Variants in MAP3K7 observed in about 807,000 individuals in gnomAD.
MAP3K7 encodes the protein mitogen-activated protein kinase kinase kinase 7.
Under a neutral mutation model 84.8 loss-of-function variants are expected in MAP3K7, and 21 were observed. The ratio of observed to expected loss-of-function variants is 0.25; its 90% CI spans 0.18 to 0.36. The LOEUF (loss-of-function observed/expected upper bound fraction) is 0.36, where lower values mean the gene tolerates loss of function less well. Ranked by LOEUF, MAP3K7 falls within the 10% of genes least tolerant of loss-of-function variation. MAP3K7 has a pLI of 1.00. For synonymous variants in MAP3K7, 241 were observed against 247.7 expected (o/e 0.97, Z 0.25); for missense variants, 503 against 747.7 (o/e 0.67, Z 3.82).
At chr6:90,525,692 C>T (rs941904276) in intron 13 of MAP3K7, among the ~76,000 whole-genome samples, 6 of 150,192 alleles carry the variant, frequency 4.0e-5, no homozygotes, top group East Asian at 2.0e-4. Context: ...CTCAGCCTCC[C>T]GAGTAACTGG....
intron 13 of MAP3K7, among the ~76,000 whole-genome samples, chr6:90,528,987 G>A (rs1028107272): frequency 6.6e-6 from 1 of 152,088 alleles, no homozygotes; most frequent in African/African-American, 2.4e-5. Context: ...CACCCTGTAA[G>A]GCCCAGCTCA....
At chr6:90,546,084 T>C (rs1418094456) in intron 11 of MAP3K7, among the ~76,000 whole-genome samples, 1 of 152,168 alleles carries the variant, frequency 6.6e-6, no homozygotes, top group Non-Finnish European at 1.5e-5. Flanking sequence ...CAGAGCCCAC[T>C]ACCTCCAGAC....
intron 9 of MAP3K7, among the ~76,000 whole-genome samples, chr6:90,548,498 C>A (rs986040746): frequency 1.3e-5 from 2 of 152,028 alleles, no homozygotes; most frequent in African/African-American, 4.8e-5. Flanking sequence ...AAGGAAGTAT[C>A]AGGAACTCAG....
intron 3 of MAP3K7, among the ~76,000 whole-genome samples, chr6:90,564,212 A>G (rs1776621918): frequency 6.6e-6 from 1 of 152,236 alleles, no homozygotes; most frequent in South Asian, 2.1e-4. Flanking sequence ...AAATTCACAC[A>G]TAACAATATT....
At position 90,574,363 on chromosome 6, in the gene MAP3K7, C is replaced by A. The variant is rs148301891; in HGVS notation, c.121-2556G>T. 3.9e-5 allele frequency among the ~76,000 whole-genome samples: 6 copies of A among 152,184 alleles called. No individual in the cohort carries two copies. The East Asian group carries it at 1.2e-3, about 29-fold the overall frequency. ...AACTCAAGTAATCGCCCTGCCTCAG[C>A]CTCCCAAAGTGCTGGGATTACAGGT... is the stretch of plus-strand genomic sequence containing the variant. On this transcript the variant is annotated intron_variant, in intron 1 of 16. Transcript: ENST00000369329.
At position 90,547,385 on chromosome 6, in the gene MAP3K7, A is replaced by G. The variant is rs1372172862; in HGVS notation, c.1083T>C (p.Ser361=). ...CTCCCAAGCTTAAACGTCCAGATTC[A>G]CTCTGTTAAAATTACAGGTCAATCT... ...KLLKNQAKQQ[S]ESGRLSLGAS... Residue 361 remains serine, a splice_region_variant and synonymous_variant, in exon 11 of 17, where the codon AGT becomes AGC. Transcript: ENST00000369329. The G allele has an allele frequency of 6.2e-7, 1 of 1,608,976 alleles. No individual in the cohort carries two copies. Among genetic ancestry groups the G allele is most frequent in the Non-Finnish European group, 8.5e-7 (1 of 1,178,244 alleles).
At chr6:90,545,888 ATG>A (rs1280873807) in intron 11 of MAP3K7, among the ~76,000 whole-genome samples, 3 of 152,152 alleles carry the variant, frequency 2.0e-5, no homozygotes, top group African/African-American at 7.2e-5. Context: ...GCATCTGGGA[ATG>A]TTCCTTCAAA....
intron 12 of MAP3K7, among the ~76,000 whole-genome samples, chr6:90,541,003 C>G (rs1775839073): frequency 1.3e-5 from 2 of 151,712 alleles, no homozygotes; most frequent in Admixed American, 6.6e-5. Flanking sequence ...AAAATAGATT[C>G]TTGGAAGCTT....
At chr6:90,527,238 T>C (rs1397750116) in intron 13 of MAP3K7, among the ~76,000 whole-genome samples, 1 of 152,092 alleles carries the variant, frequency 6.6e-6, no homozygotes, top group Admixed American at 6.5e-5. Context: ...TTAAATTCCA[T>C]GTATGAGAAG....
chr6:90,559,415 A>G (rs1053709548), intron 5 of MAP3K7, among the ~76,000 whole-genome samples: 1 of 152,018 alleles, frequency 6.6e-6, no homozygotes, highest in Non-Finnish European at 1.5e-5. Flanking sequence ...CGTGGAGACT[A>G]TTTTTACTGT....
At chr6:90,579,174 C>G (rs964431543) in intron 1 of MAP3K7, among the ~76,000 whole-genome samples, 1 of 152,168 alleles carries the variant, frequency 6.6e-6, no homozygotes, top group Non-Finnish European at 1.5e-5. Flanking sequence ...TGATAACTAA[C>G]AACAATTAAC....
chr6:90,535,036 A>G (rs1286163995), intron 13 of MAP3K7, among the ~76,000 whole-genome samples: 1 of 152,172 alleles, frequency 6.6e-6, no homozygotes, highest in Non-Finnish European at 1.5e-5. Context: ...AACTATCACT[A>G]AATAATGAAA....
chr6:90,572,779 T>A (rs1213776790), intron 1 of MAP3K7, among the ~76,000 whole-genome samples: 1 of 152,158 alleles, frequency 6.6e-6, no homozygotes, highest in African/African-American at 2.4e-5. Flanking sequence ...CATGGGTTCA[T>A]TGCTCTCTCA....
rs547121546 is a variant in MAP3K7, at chr6:90,515,172, T to C, written c.*1329A>G. The C allele has an allele frequency of 2.6e-5, 4 of 152,124 alleles. No individual in the cohort carries two copies. In the South Asian group the frequency reaches 8.3e-4, roughly 32 times the overall value. The allele number at this position is 152,124 out of a possible 1,614,324, so 9.4% of individuals were successfully genotyped here. A position where few individuals can be genotyped will look rare whatever the true frequency, so the allele number is the denominator to read the frequency against. On this transcript the variant is annotated 3_prime_UTR_variant, in exon 17 of 17. Coordinates refer to ENST00000369329, the MANE Select transcript of MAP3K7 (RefSeq NM_145331.3). ...CAATTAATGCTTTCATTTTGAACTT[T>C]TTCTTCATAAAACATTAATGCTATA...
intron 13 of MAP3K7, among the ~76,000 whole-genome samples, chr6:90,527,455 G>A (rs570218867): frequency 7.1e-6 from 1 of 139,880 alleles, no homozygotes; most frequent in Admixed American, 7.0e-5. Context: ...GTGTAGAGAC[G>A]GGGTCTCGCC....
At chr6:90,523,828 T>G (rs1201609211) in intron 13 of MAP3K7, 45 bp from the exon 14 acceptor site, 17 of 1,160,242 alleles carry the variant, frequency 1.5e-5, no homozygotes, top group Non-Finnish European at 3.9e-6. Flanking sequence ...ATTTTTTGAT[T>G]AAAAAAAATG....
Position 90,571,693 on chromosome 6 carries a change from TTA to T in MAP3K7, c.231+2_231+3del. 1 of 1,540,246 alleles carries T rather than the reference TTA, an allele frequency of 6.5e-7. No homozygotes were observed. The highest frequency in any genetic ancestry group is 8.8e-7 in the Non-Finnish European group (1 of 1,130,566). On this transcript the variant is annotated splice_donor_variant and splice_donor_region_variant and intron_variant, in intron 2 of 16. Transcript: ENST00000369329. LOFTEE classifies it high-confidence loss of function. ...TACACAAAAGAAATGAAATCTCAAC[TTA>T]CCTCTACAATAAACGCTTTCCTCTC...
chr6:90,536,548 GAA>G (rs933922990), intron 12 of MAP3K7, 147 bp from the exon 13 acceptor site: 159 of 429,036 alleles, frequency 3.7e-4, no homozygotes, highest in Admixed American at 4.6e-4. Flanking sequence ...TTATTGCTAA[GAA>G]AAAAAAAAAA....
In MAP3K7 at chr6:90,518,580, T is replaced by C. The variant is rs1775045376; in HGVS notation, c.1525-18A>G. On this transcript the variant is annotated intron_variant, in intron 15 of 16. Transcript: ENST00000369329. ...GCTAGAGGCTGAAAATAATCAGGAATGTTAAAACATAATTAAATCAAATTT... is the reference window on the plus strand; with the variant it reads ...GCTAGAGGCTGAAAATAATCAGGAACGTTAAAACATAATTAAATCAAATTT... 1.6e-6 allele frequency: 2 copies of C among 1,263,238 alleles called. No individual in the cohort carries two copies. The highest frequency in any genetic ancestry group is 1.5e-5 in the African/African-American group (1 of 67,832). 78.3% of individuals were successfully genotyped at this position (1,263,238 alleles called of 1,614,324 possible).
Sources: allele counts gnomAD v4.1 joint callset (sites outside exome capture counted in the v4.1 genomes callset), GRCh38; gene constraint gnomAD v4.1.1; transcripts MANE v1.5; gene names NCBI Gene and HGNC (gene_info 2026-07-23, HGNC 2026-07-21).